The following SLC7A11 variants were observed in gnomAD, a reference collection of about 807,000 sequenced individuals.
SLC7A11 encodes solute carrier family 7 member 11.
In SLC7A11, 35 loss-of-function variants were observed where a neutral mutation model predicts 54.5. The observed-to-expected ratio is 0.64, with a 90% CI of 0.49 to 0.85. The LOEUF is 0.85. Ranked by LOEUF, SLC7A11 falls within the 40% of genes least tolerant of loss-of-function variation. SLC7A11 has a pLI of 0.00. For missense variants in SLC7A11, 583 were observed against 618.1 expected (o/e 0.94, Z 0.60); for synonymous variants, 230 against 225.2 (o/e 1.02, Z -0.19).
intron 11 of SLC7A11, chr4:138,174,856 C>T (rs950659461): frequency 3.3e-5 from 5 of 152,056 alleles, no homozygotes; most frequent in African/African-American, 1.2e-4. Flanking sequence ...AGTAGTTATT[C>T]TTGAAATAAT....
chr4:138,185,312 A>G (rs1736849352), intron 6 of SLC7A11, 68 bp from the exon 7 acceptor site: 1 of 1,524,456 alleles, frequency 6.6e-7, no homozygotes, highest in Non-Finnish European at 9.1e-7. Context: ...CGAAGAAAAT[A>G]ACAGGCTAAT....
chr4:138,200,158 T>A (rs1042969445), intron 6 of SLC7A11, among the ~76,000 whole-genome samples: 1 of 152,178 alleles, frequency 6.6e-6, no homozygotes, highest in Non-Finnish European at 1.5e-5. Context: ...AAAGTGAGAC[T>A]TTGTTTGACA....
In SLC7A11 at chr4:138,171,817, T is replaced by C. The variant is rs959237538; in HGVS notation, c.*139A>G. On this transcript the variant is annotated 3_prime_UTR_variant, in exon 12 of 12. Coordinates refer to ENST00000280612, the MANE Select transcript of SLC7A11 (RefSeq NM_014331.4). The stretch of plus-strand genomic sequence containing the variant: ...TTCTTAGAAATTAGTTCGAATATGC[T>C]AAAATATATGAATAAAAATAACTGA... The C allele has an allele frequency of 7.1e-6, 8 of 1,130,738 alleles. No individual in the cohort carries two copies. In the Admixed American group the frequency reaches 2.8e-4, roughly 40 times the overall value. The allele number at this position is 1,130,738 out of a possible 1,614,324, so 70.0% of individuals were successfully genotyped here.
Position 138,164,295 on chromosome 4 carries a change from T to C in SLC7A11, c.*7661A>G, listed in dbSNP as rs937874620. 1.3e-5 allele frequency: 2 copies of C among 152,094 alleles called. No homozygotes were observed. The highest frequency in any genetic ancestry group is 1.3e-4 in the Admixed American group (2 of 15,250). The allele number at this position is 152,094 out of a possible 1,614,324, so 9.4% of individuals were successfully genotyped here. On this transcript the variant is annotated 3_prime_UTR_variant, in exon 12 of 12. Transcript: ENST00000280612. Reference sequence around the variant, plus strand: ...AAAATTTATTCCATACAAAAGCACATGCATCAAGAGTTTCCATAAGATGAA... The same window carrying C: ...AAAATTTATTCCATACAAAAGCACACGCATCAAGAGTTTCCATAAGATGAA...
At chr4:138,179,848 C>G (rs2148411320) in intron 10 of SLC7A11, among the ~76,000 whole-genome samples, 1 of 152,226 alleles carries the variant, frequency 6.6e-6, no homozygotes, top group East Asian at 1.9e-4. Context: ...CTGTTGAGAT[C>G]CACAATAATA....
chr4:138,223,125 C>G (rs1737855800), intron 4 of SLC7A11, 74 bp downstream of exon 4: 9 of 1,370,128 alleles, frequency 6.6e-6, no homozygotes, highest in South Asian at 1.3e-5. Context: ...TCTGTTAGTA[C>G]AAGCAAAAGT....
chr4:138,227,400 C>T (rs1277804872), intron 3 of SLC7A11, among the ~76,000 whole-genome samples: 1 of 152,062 alleles, frequency 6.6e-6, no homozygotes, highest in African/African-American at 2.4e-5. Context: ...CTTTAAAAAG[C>T]AGAGTGACAG....
chr4:138,197,244 T>C (rs1034697692), intron 6 of SLC7A11, among the ~76,000 whole-genome samples: 3 of 152,088 alleles, frequency 2.0e-5, no homozygotes, highest in African/African-American at 7.2e-5. Context: ...TCGATAATTA[T>C]CAGAATCATA....
chr4:138,197,610 T>A (rs1219386320), intron 6 of SLC7A11, among the ~76,000 whole-genome samples: 1 of 152,088 alleles, frequency 6.6e-6, no homozygotes, highest in Non-Finnish European at 1.5e-5. Context: ...ACTACCAAGA[T>A]AATTTGAAAC....
intron 6 of SLC7A11, among the ~76,000 whole-genome samples, chr4:138,200,593 A>C (rs1207370097): frequency 6.6e-6 from 1 of 152,130 alleles, no homozygotes; most frequent in Non-Finnish European, 1.5e-5. Context: ...TCTATTCAAC[A>C]ACACTAAGCA....
chr4:138,185,596 C>A (rs1271416123), intron 6 of SLC7A11, among the ~76,000 whole-genome samples: 2 of 152,124 alleles, frequency 1.3e-5, no homozygotes, highest in African/African-American at 4.8e-5. Flanking sequence ...GAGCTCCACC[C>A]CACAGTTTCC....
chr4:138,205,675 C>T (rs937336119), intron 6 of SLC7A11, among the ~76,000 whole-genome samples: 2 of 152,022 alleles, frequency 1.3e-5, no homozygotes, highest in Non-Finnish European at 2.9e-5. Context: ...TTGTGAACCT[C>T]ATTTTGGTCA....
At chr4:138,226,576 GT>G (rs35422742) in intron 3 of SLC7A11, among the ~76,000 whole-genome samples, 62,306 of 151,804 alleles carry the variant, frequency 0.41, 13,615 homozygotes, top group Middle Eastern at 0.61. Context: ...CCAGCGAGAG[GT>G]ACAGTGAAGC....
At chr4:138,228,676 G>A (rs1016301972) in intron 3 of SLC7A11, among the ~76,000 whole-genome samples, 24 of 148,868 alleles carry the variant, frequency 1.6e-4, no homozygotes, top group Non-Finnish European at 1.5e-4. Context: ...GGAGAATGGC[G>A]TGAAACCAGG....
intron 2 of SLC7A11, among the ~76,000 whole-genome samples, chr4:138,235,420 A>G (rs1738183942): frequency 6.6e-6 from 1 of 151,332 alleles, no homozygotes; most frequent in Non-Finnish European, 1.5e-5. Flanking sequence ...AAAAAAAAAG[A>G]CTTCTAACAC....
rs2148445703 is a variant in SLC7A11, at chr4:138,222,892, TA to T, written c.646+306del. On this transcript the variant is annotated intron_variant, in intron 4 of 11. Transcript: ENST00000280612. Reference sequence around the variant, plus strand: ...AAAAAAAGACATATTTATCTTTAATTAAAACTAAGTGGCAGGTTTTTTTTTT... The same window carrying T: ...AAAAAAAGACATATTTATCTTTAATTAAACTAAGTGGCAGGTTTTTTTTTT... Among the ~76,000 whole-genome samples the T allele has an allele frequency of 2.2e-5, 3 of 134,806 alleles. No homozygotes were observed. In the East Asian group the frequency reaches 6.2e-4, roughly 28 times the overall value. The allele number at this position is 134,806 out of a possible 152,430, so 88.4% of individuals were successfully genotyped here. A position where few individuals can be genotyped will look rare whatever the true frequency, so the allele number is the denominator to read the frequency against.
At chr4:138,191,664 C>T (rs1040944813) in intron 6 of SLC7A11, among the ~76,000 whole-genome samples, 5 of 151,964 alleles carry the variant, frequency 3.3e-5, no homozygotes, top group Non-Finnish European at 7.4e-5. Flanking sequence ...TTTATCTATT[C>T]ATTATTTTTA....
chr4:138,238,051 C>T, intron 1 of SLC7A11, among the ~76,000 whole-genome samples: 1 of 151,910 alleles, frequency 6.6e-6, no homozygotes, highest in Non-Finnish European at 1.5e-5. Flanking sequence ...CTGCGCCCGG[C>T]CCAGAATATA....
rs985018064 is a variant in SLC7A11 at position 138,168,840 on chromosome 4, T to C, written c.*3116A>G. On this transcript the variant is annotated 3_prime_UTR_variant, in exon 12 of 12. Transcript: ENST00000280612. Reference sequence around the variant, plus strand: ...TAAGGTCTACTTTCAGCTAACCATTTATAAGGTTCAGTTTTCATTGGATCA... The same window carrying C: ...TAAGGTCTACTTTCAGCTAACCATTCATAAGGTTCAGTTTTCATTGGATCA... The C allele has an allele frequency of 6.6e-6, 1 of 152,216 alleles. No individual in the cohort carries two copies. Among genetic ancestry groups the C allele is most frequent in the African/African-American group, 2.4e-5 (1 of 41,460 alleles). The allele number at this position is 152,216 out of a possible 1,614,324, so 9.4% of individuals were successfully genotyped here. A position where few individuals can be genotyped will look rare whatever the true frequency, so the allele number is the denominator to read the frequency against.
Sources: gnomAD v4.1 joint callset for allele counts (sites outside exome capture counted in the v4.1 genomes callset) on GRCh38, gnomAD v4.1.1 for gene constraint, MANE v1.5 for transcripts, NCBI Gene and HGNC (gene_info 2026-07-23, HGNC 2026-07-21) for gene names.